Variants in NTRK2 observed in about 807,000 individuals in gnomAD.
NTRK2 encodes the protein neurotrophic receptor tyrosine kinase 2.
NTRK2 carries 13 observed loss-of-function variants against 94.5 expected under a neutral mutation model. The observed-to-expected ratio is 0.14, with a 90% confidence interval of 0.09 to 0.22. NTRK2 has a LOEUF of 0.22. Ranked by LOEUF, NTRK2 falls within the 10% of genes least tolerant of loss-of-function variation. NTRK2 has a pLI of 1.00. For synonymous variants in NTRK2, 372 were observed against 407.4 expected (o/e 0.91, Z 1.05); for missense variants, 639 against 1,071.2 (o/e 0.60, Z 5.63).
At chr9:84,863,409 C>G (rs79832155) in intron 13 of NTRK2, among the ~76,000 whole-genome samples, 1 of 152,168 alleles carries the variant, frequency 6.6e-6, no homozygotes, top group African/African-American at 2.4e-5. Context: ...AAGTGTGCAC[C>G]TACCTCGCCA....
Position 85,023,502 on chromosome 9 carries a change from TTGAC to T in NTRK2, c.*2066_*2069del, listed in dbSNP as rs1832884115. The T allele has an allele frequency of 4.3e-6, 1 of 232,490 alleles. No homozygotes were observed. The highest frequency in any genetic ancestry group is 2.2e-5 in the African/African-American group (1 of 45,278). 14.4% of individuals were successfully genotyped at this position (232,490 alleles called of 1,614,324 possible). A position where few individuals can be genotyped will look rare whatever the true frequency, so the allele number is the denominator to read the frequency against. ...TAGCAACTGCAGTCAAGCGAGGGAG[TTGAC>T]AAGATAAACCTTACGTCCATTCAAG... On this transcript the variant is annotated 3_prime_UTR_variant, in exon 19 of 19. Coordinates refer to ENST00000277120, the MANE Select transcript of NTRK2 (RefSeq NM_006180.6).
chr9:84,755,014 G>A (rs369193885), intron 12 of NTRK2, among the ~76,000 whole-genome samples: 16 of 152,324 alleles, frequency 1.1e-4, no homozygotes, highest in African/African-American at 3.8e-4. Context: ...CTACAGCTGA[G>A]TGCAGGGCAA....
chr9:84,857,371 A>T (rs2075117966), intron 12 of NTRK2, among the ~76,000 whole-genome samples: 2 of 152,228 alleles, frequency 1.3e-5, no homozygotes, highest in African/African-American at 4.8e-5. Flanking sequence ...AGTGTCTCTT[A>T]TTAAACAGAA....
At chr9:84,856,016 T>C (rs748765289) in intron 12 of NTRK2, among the ~76,000 whole-genome samples, 1 of 152,208 alleles carries the variant, frequency 6.6e-6, no homozygotes, top group Non-Finnish European at 1.5e-5. Context: ...GTGTAGCTAT[T>C]AGCCCAGCAG....
At chr9:84,803,852 C>T (rs964828566) in intron 12 of NTRK2, among the ~76,000 whole-genome samples, 7 of 152,230 alleles carry the variant, frequency 4.6e-5, no homozygotes, top group South Asian at 2.1e-4. Context: ...ATCTTTTGCT[C>T]TTAGCTAATT....
At chr9:84,969,882 G>A (rs1481705276) in intron 17 of NTRK2, among the ~76,000 whole-genome samples, 15 of 152,134 alleles carry the variant, frequency 9.9e-5, no homozygotes, top group African/African-American at 3.4e-4. Flanking sequence ...ACCAGTGCAC[G>A]AATGCTCATT....
chr9:84,692,149 C>T (rs1450056960), intron 2 of NTRK2, among the ~76,000 whole-genome samples: 1 of 151,924 alleles, frequency 6.6e-6, no homozygotes, highest in African/African-American at 2.4e-5. Flanking sequence ...CATCGGCTGT[C>T]GTGGATTACT....
chr9:84,771,311 T>C (rs1354581251), intron 12 of NTRK2, among the ~76,000 whole-genome samples: 1 of 152,342 alleles, frequency 6.6e-6, no homozygotes, highest in East Asian at 1.9e-4. Context: ...ACCACAGTGC[T>C]GTTTAGAAAA....
chr9:84,840,389 G>A (rs980610782), intron 12 of NTRK2, among the ~76,000 whole-genome samples: 2 of 149,646 alleles, frequency 1.3e-5, no homozygotes, highest in African/African-American at 4.9e-5. Flanking sequence ...AAAGCTGTCT[G>A]AAGAAAACAC....
rs141046031 is a variant in NTRK2 at position 84,680,256 on chromosome 9, C to A, written c.212+9296C>A. On this transcript the variant is annotated intron_variant, in intron 2 of 18. Transcript: ENST00000277120. ...CAAGGAGCCCCTGAGCAGCTTATAT[C>A]TAGCAAGAGACAGATGCATACACAT... Among the ~76,000 whole-genome samples the A allele has an allele frequency of 3.1e-4, 47 of 152,316 alleles. 1 individual carries two copies. The East Asian group carries it at 4.6e-3, about 15-fold the overall frequency.
Position 85,021,616 on chromosome 9 carries a change from C to T in NTRK2, c.*179C>T, listed in dbSNP as rs1832784291. On this transcript the variant is annotated 3_prime_UTR_variant, in exon 19 of 19. Coordinates refer to ENST00000277120, the MANE Select transcript of NTRK2 (RefSeq NM_006180.6). The stretch of plus-strand genomic sequence containing the variant: ...GTGTGTACTTCTTCATCCATAGACA[C>T]AGTATTGACTTCTTTTTGGCATTAT... 1.5e-6 allele frequency: 1 copy of T among 674,688 alleles called. No individual in the cohort carries two copies. The highest frequency in any genetic ancestry group is 1.6e-5 in the South Asian group (1 of 61,778). The allele number at this position is 674,688 out of a possible 1,614,324, so 41.8% of individuals were successfully genotyped here. A position where few individuals can be genotyped will look rare whatever the true frequency, so the allele number is the denominator to read the frequency against.
chr9:84,812,168 C>T, intron 12 of NTRK2: 1 of 1,058,228 alleles, frequency 9.4e-7, no homozygotes, highest in Non-Finnish European at 1.1e-6. Flanking sequence ...CTCTGTAAAC[C>T]AAGGCATTAA....
chr9:84,976,947 G>A (rs889361275), intron 17 of NTRK2, among the ~76,000 whole-genome samples: 14 of 152,166 alleles, frequency 9.2e-5, no homozygotes, highest in African/African-American at 3.1e-4. Context: ...GTGTGTATAT[G>A]TAGATATAGA....
At position 84,761,417 on chromosome 9, in the gene NTRK2, C is replaced by G. The variant is rs147517230; in HGVS notation, c.1396+9332C>G. Reference sequence around the variant, plus strand: ...GACTTGAGTATAGTCAACCACCCAACTGAGCCTTTCCTGCACTTGCTTCCT... The same window carrying G: ...GACTTGAGTATAGTCAACCACCCAAGTGAGCCTTTCCTGCACTTGCTTCCT... On this transcript the variant is annotated intron_variant, in intron 12 of 18. Transcript: ENST00000277120. Among the ~76,000 whole-genome samples, 75 of 152,294 alleles carry G rather than the reference C, an allele frequency of 4.9e-4. 1 individual carries two copies. Among genetic ancestry groups the G allele is most frequent in the African/African-American group, 1.8e-3 (73 of 41,574 alleles).
chr9:84,999,509 T>G (rs1200954805), intron 17 of NTRK2, among the ~76,000 whole-genome samples: 1 of 152,226 alleles, frequency 6.6e-6, no homozygotes, highest in East Asian at 1.9e-4. Flanking sequence ...AGCTGAGTAC[T>G]ATTGCTATAC....
intron 8 of NTRK2, 57 bp downstream of exon 8, chr9:84,724,413 G>C: frequency 6.2e-7 from 1 of 1,608,562 alleles, no homozygotes. Context: ...ACGTACCTAC[G>C]TTTGTTGCTG....
chr9:84,979,529 A>G (rs1827319619), intron 17 of NTRK2, among the ~76,000 whole-genome samples: 1 of 152,238 alleles, frequency 6.6e-6, no homozygotes, highest in Non-Finnish European at 1.5e-5. Flanking sequence ...TTGAGCTGGA[A>G]TCTATTCCTG....
intron 14 of NTRK2, among the ~76,000 whole-genome samples, chr9:84,906,047 T>C (rs564740242): frequency 2.5e-4 from 38 of 152,168 alleles, no homozygotes; most frequent in African/African-American, 9.1e-4. Context: ...AAAAGAGACA[T>C]CCCAAAGGAA....
intron 15 of NTRK2, among the ~76,000 whole-genome samples, chr9:84,942,915 G>A (rs564673384): frequency 6.6e-6 from 1 of 152,220 alleles, no homozygotes; most frequent in Admixed American, 6.5e-5. Context: ...ATTTGCAACA[G>A]ATCTTGCCAC....
Sources: allele counts gnomAD v4.1 joint callset (sites outside exome capture counted in the v4.1 genomes callset), GRCh38; gene constraint gnomAD v4.1.1; transcripts MANE v1.5; gene names NCBI Gene and HGNC (gene_info 2026-07-23, HGNC 2026-07-21).